Variants in SLC9A7 observed in about 807,000 individuals in gnomAD.
The protein encoded by SLC9A7 is sodium/hydrogen exchanger 7.
In SLC9A7, 19 loss-of-function variants were observed where a neutral mutation model predicts 52.6. That is an observed-to-expected ratio of 0.36 (90% confidence interval 0.25 to 0.53). The LOEUF is 0.53. SLC9A7 is among the 20% of genes least tolerant of loss of function. The probability of loss-of-function intolerance (pLI) is 0.91; values close to 1 mark genes in which losing one functional copy is unlikely to be tolerated. For missense variants in SLC9A7, 455 were observed against 597.9 expected (o/e 0.76, Z 2.49); for synonymous variants, 226 against 252.1 (o/e 0.90, Z 0.98).
chrX:46,669,011 CA>C (rs1473845000), intron 5 of SLC9A7, among the ~76,000 whole-genome samples: 21 of 108,749 alleles, frequency 1.9e-4, no homozygotes, highest in Non-Finnish European at 3.3e-4. Flanking sequence ...ACTAAAAATA[CA>C]AAAAAATTAG....
intron 16 of SLC9A7, among the ~76,000 whole-genome samples, chrX:46,609,415 C>T (rs376145920): frequency 2.7e-5 from 3 of 112,372 alleles, no homozygotes; most frequent in South Asian, 3.6e-4. Flanking sequence ...GTAAAACCCA[C>T]GGAGGCTGGG....
At position 46,637,949 on chromosome X, in the gene SLC9A7, A is replaced by G. The variant is rs6651857; in HGVS notation, c.1617-2301T>C. ...ACACAGACTTGAAATTAGCCATAGT[A>G]AGAAACACAGCTAACTCCTATTTAT... On this transcript the variant is annotated intron_variant, in intron 12 of 16. Transcript: ENST00000616978. Among the ~76,000 whole-genome samples the G allele has an allele frequency of 3.4e-3, 386 of 112,165 alleles. 1 individual carries two copies. Among genetic ancestry groups the G allele is most frequent in the African/African-American group, 0.012 (373 of 30,893 alleles).
chrX:46,677,841 G>A (rs1298936779), intron 3 of SLC9A7, among the ~76,000 whole-genome samples: 1 of 112,012 alleles, frequency 8.9e-6, no homozygotes, highest in Non-Finnish European at 1.9e-5. Context: ...AGCCATATGG[G>A]TGTGTGGAAA....
At chrX:46,680,808 G>A (rs139344028) in intron 2 of SLC9A7, among the ~76,000 whole-genome samples, 287 of 112,244 alleles carry the variant, frequency 2.6e-3, no homozygotes, top group African/African-American at 8.9e-3. Context: ...TAACTTATTT[G>A]TTTAGAAACT....
Position 46,604,086 on chromosome X carries a change from G to T in SLC9A7, c.*2866C>A, listed in dbSNP as rs1942702981. 1 of 112,771 alleles carries T rather than the reference G, an allele frequency of 8.9e-6. No homozygotes were observed. Among genetic ancestry groups the T allele is most frequent in the Non-Finnish European group, 1.9e-5 (1 of 53,367 alleles). The allele number at this position is 112,771 out of a possible 1,213,427, so 9.3% of individuals were successfully genotyped here. A position where few individuals can be genotyped will look rare whatever the true frequency, so the allele number is the denominator to read the frequency against. ...CTTGCCTTTTAGATTTATATGGCAT[G>T]ACTGGTCATTACTAAGATAACTCTG... On this transcript the variant is annotated 3_prime_UTR_variant, in exon 17 of 17. Transcript: ENST00000616978.
intron 1 of SLC9A7, among the ~76,000 whole-genome samples, chrX:46,731,021 C>T (rs977312638): frequency 3.7e-5 from 4 of 108,764 alleles, no homozygotes; most frequent in Admixed American, 1.0e-4. Flanking sequence ...ACCAGGAAGA[C>T]TCAGGGGGAA....
chrX:46,679,918 C>T (rs761380753), intron 2 of SLC9A7, among the ~76,000 whole-genome samples, 163 bp from the exon 3 acceptor site: 30 of 112,387 alleles, frequency 2.7e-4, no homozygotes, highest in Middle Eastern at 9.2e-3. Context: ...AGCTATGACT[C>T]CCCATGGACT....
Position 46,606,924 on chromosome X carries a change from C to A in SLC9A7, c.*28G>T. The A allele has an allele frequency of 8.3e-7, 1 of 1,210,234 alleles. No homozygotes were observed. The highest frequency in any genetic ancestry group is 1.1e-6 in the Non-Finnish European group (1 of 894,506). ...TGTCCTCACCCCATCGGGAGCCTAC[C>A]CCATCGCGCCAGGGCTTGGGGGGAA... On this transcript the variant is annotated 3_prime_UTR_variant, in exon 17 of 17. Coordinates refer to ENST00000616978, the MANE Select transcript of SLC9A7 (RefSeq NM_001257291.2).
chrX:46,622,324 G>A (rs1385295390), intron 14 of SLC9A7, among the ~76,000 whole-genome samples: 1 of 111,674 alleles, frequency 9.0e-6, no homozygotes, highest in African/African-American at 3.3e-5. Flanking sequence ...CAGGGTGACT[G>A]ATTGCTAACC....
intron 1 of SLC9A7, among the ~76,000 whole-genome samples, chrX:46,711,087 G>C (rs1268835607): frequency 8.9e-6 from 1 of 112,851 alleles, no homozygotes. Flanking sequence ...CTAGAGTCTG[G>C]GCAAATGGAG....
At chrX:46,711,805 G>T (rs770487399) in intron 1 of SLC9A7, among the ~76,000 whole-genome samples, 1 of 106,879 alleles carries the variant, frequency 9.4e-6, no homozygotes, top group South Asian at 4.5e-4. Context: ...CCACCAAGAG[G>T]GTGTTGCCCT....
chrX:46,704,343 T>C (rs1944574407), intron 1 of SLC9A7, among the ~76,000 whole-genome samples: 1 of 112,653 alleles, frequency 8.9e-6, no homozygotes, highest in Non-Finnish European at 1.9e-5. Context: ...AACTGTAATC[T>C]GAGCACAAAT....
intron 1 of SLC9A7, among the ~76,000 whole-genome samples, chrX:46,727,583 C>T (rs1158434560): frequency 2.7e-5 from 3 of 112,210 alleles, no homozygotes; most frequent in Non-Finnish European, 3.8e-5. Flanking sequence ...TGCTTAATAA[C>T]TCCCTTTGCA....
chrX:46,620,339 T>C (rs1252258491), intron 15 of SLC9A7, among the ~76,000 whole-genome samples: 1 of 111,447 alleles, frequency 9.0e-6, no homozygotes, highest in South Asian at 3.7e-4. Flanking sequence ...GGAGATTGCT[T>C]GAGCCTGGGA....
At chrX:46,613,222 T>A in intron 16 of SLC9A7, 67 bp downstream of exon 16, 1 of 799,763 alleles carries the variant, frequency 1.3e-6, no homozygotes, top group South Asian at 3.4e-5. Flanking sequence ...TGATGGTTTC[T>A]TCTTCCTACG....
At chrX:46,737,098 A>C (rs1348962524) in intron 1 of SLC9A7, among the ~76,000 whole-genome samples, 3 of 111,397 alleles carry the variant, frequency 2.7e-5, no homozygotes, top group East Asian at 5.6e-4. Context: ...TTCCACCAGT[A>C]GTCTCACTTT....
chrX:46,693,656 GA>G (rs36036660), intron 1 of SLC9A7, among the ~76,000 whole-genome samples: 1 of 106,135 alleles, frequency 9.4e-6, no homozygotes, highest in Admixed American at 1.0e-4. Flanking sequence ...CAACCTTTAG[GA>G]AAAAAAAAGC....
rs181969124 is a variant in SLC9A7 at position 46,666,510 on chromosome X, A to T, written c.793+3097T>A. Among the ~76,000 whole-genome samples, 6 of 112,507 alleles carry T rather than the reference A, an allele frequency of 5.3e-5. No homozygotes were observed. The East Asian group carries it at 1.7e-3, about 31-fold the overall frequency. On this transcript the variant is annotated intron_variant, in intron 5 of 16. Transcript: ENST00000616978. ...CTACATTTCAGGAATATTTCTATTT[A>T]AAAAGCAGTTAAAGTTAATGTCCTG...
chrX:46,645,208 C>T (rs1203457395), intron 11 of SLC9A7, among the ~76,000 whole-genome samples: 1 of 112,246 alleles, frequency 8.9e-6, no homozygotes. Flanking sequence ...AGCCAATGAG[C>T]ATATTTAAGT....
Sources: gnomAD v4.1 joint callset for allele counts (sites outside exome capture counted in the v4.1 genomes callset) on GRCh38, gnomAD v4.1.1 for gene constraint, MANE v1.5 for transcripts, NCBI Gene and HGNC (gene_info 2026-07-23, HGNC 2026-07-21) for gene names.